DEAF1: variants seen among roughly 807,000 people sequenced by gnomAD.
DEAF1 encodes the protein DEAF1 transcription factor, also known as deformed epidermal autoregulatory factor 1 homolog.
A neutral mutation model predicts 58.9 loss-of-function variants in DEAF1; 53 were observed. The observed-to-expected ratio is 0.90, with a 90% CI of 0.72 to 1.13. The LOEUF (loss-of-function observed/expected upper bound fraction) is 1.13. Ranked by LOEUF, DEAF1 falls within the 50% of genes most tolerant of loss-of-function variation. DEAF1 has a pLI of 0.00. For missense variants in DEAF1, 685 were observed against 791.4 expected, an observed-to-expected ratio of 0.87 and a Z score of 1.61; for synonymous variants, 385 against 340.4, an observed-to-expected ratio of 1.13 and a Z score of -1.44.
chr11:674,278 C>T (rs1338996416), intron 10 of DEAF1: 9 of 503,358 alleles, frequency 1.8e-5, no homozygotes, highest in East Asian at 1.5e-4. Context: ...TCACAACGGC[C>T]GATGCGCACA....
intron 1 of DEAF1, among the ~76,000 whole-genome samples, chr11:701,465 C>A (rs1861472440): frequency 7.5e-6 from 1 of 133,762 alleles, no homozygotes; most frequent in Non-Finnish European, 1.5e-5. Context: ...GGCTGGAGTG[C>A]AGTGGCGTGA....
intron 1 of DEAF1, chr11:704,747 C>T (rs965509731): frequency 8.3e-6 from 8 of 961,280 alleles, no homozygotes; most frequent in East Asian, 6.1e-5. Context: ...GGATGGGGCC[C>T]GAGAGGCCAG....
chr11:670,422 AG>A (rs2133350372), intron 10 of DEAF1, among the ~76,000 whole-genome samples: 1 of 133,752 alleles, frequency 7.5e-6, no homozygotes, highest in Non-Finnish European at 1.6e-5. Context: ...TTTTTTTTAA[AG>A]TATTTTTTTG....
At chr11:689,829 C>A (rs994956306) in intron 2 of DEAF1, 3 of 152,158 alleles carry the variant, frequency 2.0e-5, no homozygotes, top group African/African-American at 7.2e-5. Context: ...GGGGAGAAAA[C>A]CAGCCTCAGG....
chr11:680,359 G>A (rs1860298457), intron 7 of DEAF1, among the ~76,000 whole-genome samples: 1 of 152,196 alleles, frequency 6.6e-6, no homozygotes, highest in Non-Finnish European at 1.5e-5. Context: ...CTCTATAAAT[G>A]CAAAAACCCA....
chr11:651,470 T>A lies in DEAF1; in HGVS notation c.1593+2492A>T, dbSNP rs1014136688. ...AAAAACTTATTGAGACAAAGAAGGA[T>A]GTTTTATAATGATAAAAGAGCTAAT... is the stretch of plus-strand genomic sequence containing the variant. On this transcript the variant is annotated intron_variant, in intron 11 of 11. Transcript: ENST00000382409. The A allele has an allele frequency of 1.1e-4, 33 of 287,808 alleles. No homozygotes were observed. The Admixed American group carries it at 1.6e-3, about 14-fold the overall frequency. 17.8% of individuals were successfully genotyped at this position (287,808 alleles called of 1,614,324 possible).
chr11:678,593 C>G, intron 9 of DEAF1, 101 bp downstream of exon 9: 1 of 1,580,124 alleles, frequency 6.3e-7, no homozygotes, highest in Admixed American at 1.7e-5. Context: ...ACAAAAACAA[C>G]AAACCAAACC....
intron 11 of DEAF1, among the ~76,000 whole-genome samples, chr11:646,018 C>T (rs1026520916): frequency 3.9e-5 from 6 of 151,924 alleles, no homozygotes; most frequent in African/African-American, 7.3e-5. Flanking sequence ...GTTGGGAGGC[C>T]GAGGTGGGCA....
chr11:674,545 C>T lies in DEAF1; in HGVS notation c.1494G>A (p.Glu498=). 1 of 1,614,088 alleles carries T rather than the reference C, an allele frequency of 6.2e-7. No individual in the cohort carries two copies. Among genetic ancestry groups the T allele is most frequent in the East Asian group, 2.2e-5 (1 of 44,870 alleles). ...TTTGTTCCAAGGTTACCTCCTTCCG[C>T]TCTGCGTCAGCGTGGATCTTGGCCT... The part of the protein sequence containing the change: ...TNQAKIHADA[E]RKEQSCVNCG... Residue 498 remains glutamate, a synonymous_variant, in exon 10 of 12, where the codon GAG becomes GAA. Transcript: ENST00000382409.
intron 10 of DEAF1, among the ~76,000 whole-genome samples, chr11:665,152 T>C (rs1859464540): frequency 7.7e-6 from 1 of 130,422 alleles, no homozygotes; most frequent in Admixed American, 7.5e-5. Context: ...TCTAAGTAAG[T>C]CCTGGCTCAG....
rs918377863 is a variant in DEAF1, at chr11:654,892, C to T, written c.1504-841G>A. Among the ~76,000 whole-genome samples the T allele has an allele frequency of 1.4e-4, 21 of 151,054 alleles. No individual in the cohort carries two copies. In the East Asian group the frequency reaches 1.6e-3, roughly 11 times the overall value. On this transcript the variant is annotated intron_variant, in intron 10 of 11. Transcript: ENST00000382409. ...CTCAAAAAAAAAGGGAAATCAGGGC[C>T]GGATGCAGTGGCTCATGCCTGTAAT...
intron 1 of DEAF1, chr11:700,971 G>T: frequency 2.2e-6 from 1 of 448,734 alleles, no homozygotes; most frequent in East Asian, 3.6e-5. Flanking sequence ...CTGGGTAATG[G>T]CACTGAGATC....
At chr11:665,145 A>C (rs1431903179) in intron 10 of DEAF1, among the ~76,000 whole-genome samples, 4 of 114,030 alleles carry the variant, frequency 3.5e-5, no homozygotes, top group Admixed American at 3.5e-4. Flanking sequence ...CGGTCACTCT[A>C]AGTAAGTCCT....
intron 10 of DEAF1, among the ~76,000 whole-genome samples, chr11:670,921 C>G (rs1482918980): frequency 2.9e-5 from 3 of 104,904 alleles, no homozygotes; most frequent in Non-Finnish European, 5.4e-5. Context: ...TGTCACCACA[C>G]CTGGCTAATG....
Position 695,015 on chromosome 11 carries a change from C to G in DEAF1, c.33G>C (p.Leu11=). The G allele has an allele frequency of 7.1e-7, 1 of 1,400,860 alleles. No individual in the cohort carries two copies. The highest frequency in any genetic ancestry group is 3.3e-5 in the East Asian group (1 of 30,276). 86.8% of individuals were successfully genotyped at this position (1,400,860 alleles called of 1,614,324 possible). ...CCACCGCCGCCGCCTCAGCCAGGCC[C>G]AGCTGCTTTGCCGCCGAGTCCGAGT... The part of the protein sequence containing the change: MEDSDSAAKQ[L]GLAEAAAVAA... The change falls in exon 1 of 12, where the codon CTG becomes CTC. Residue 11 remains leucine, a synonymous_variant. Transcript: ENST00000382409.
intron 1 of DEAF1, chr11:694,558 T>A (rs1861011470): frequency 4.1e-6 from 1 of 245,022 alleles, no homozygotes; most frequent in Admixed American, 1.3e-4. Context: ...GGGGCAGGTG[T>A]GCAGGGCGGG....
chr11:695,243 GCGAACAGAGGCTGCCCGAGTAGGAGC>G (rs1218090316), upstream of DEAF1: 51 of 498,122 alleles, frequency 1.0e-4, no homozygotes, highest in South Asian at 1.7e-3. Flanking sequence ...CGGAGCCGAG[GCGAACAGAGGCTGCCCGAGTAGGAGC>G]CGAACCTGCA....
intron 11 of DEAF1, among the ~76,000 whole-genome samples, chr11:653,395 G>A (rs1370515942): frequency 6.7e-6 from 1 of 150,074 alleles, no homozygotes; most frequent in Non-Finnish European, 1.5e-5. Context: ...CTGCAGGGGT[G>A]TGGAGGGCTC....
chr11:675,028 C>CA (rs1422462537), intron 9 of DEAF1, among the ~76,000 whole-genome samples: 1 of 151,566 alleles, frequency 6.6e-6, no homozygotes, highest in Non-Finnish European at 1.5e-5. Flanking sequence ...AAAAAAAATA[C>CA]AAAAAATTAG....
Sources: allele counts gnomAD v4.1 joint callset (sites outside exome capture counted in the v4.1 genomes callset), GRCh38; gene constraint gnomAD v4.1.1; transcripts MANE v1.5; gene names NCBI Gene and HGNC (gene_info 2026-07-23, HGNC 2026-07-21).